The following RIPK4 variants were observed in gnomAD, a reference collection of about 807,000 sequenced individuals.
The protein encoded by RIPK4 is receptor-interacting serine/threonine-protein kinase 4.
In RIPK4, 17 loss-of-function variants were observed where a neutral mutation model predicts 42.9. The observed-to-expected ratio is 0.40, with a 90% CI of 0.27 to 0.59. The LOEUF (loss-of-function observed/expected upper bound fraction) is 0.59, where lower values mean the gene tolerates loss of function less well. Ranked by LOEUF, RIPK4 falls within the 20% of genes least tolerant of loss-of-function variation. The probability of loss-of-function intolerance (pLI) is 0.47; values close to 1 mark genes in which losing one functional copy is unlikely to be tolerated. For missense variants in RIPK4, 897 were observed against 1,104.4 expected (o/e 0.81, Z 2.66); for synonymous variants, 498 against 499.1 (o/e 1.00, Z 0.03).
rs535635195 is a variant in RIPK4, at chr21:41,743,913, C to T, written c.1164G>A (p.Ser388=). The change falls in exon 7 of 8, where the codon TCG becomes TCA. Residue 388 remains serine (S), a synonymous_variant. Coordinates refer to ENST00000332512, the MANE Select transcript of RIPK4 (RefSeq NM_020639.3). ...TTGAAGGTTCCCGCTCAAAGGACAGCGACAGTGATCCTCTGGAAGAGAAGG... is the reference window on the plus strand; with the variant it reads ...TTGAAGGTTCCCGCTCAAAGGACAGTGACAGTGATCCTCTGGAAGAGAAGG... The part of the protein sequence containing the change: ...DSAFSSRGSL[S]LSFEREPSTS... The T allele has an allele frequency of 7.5e-5, 121 of 1,610,808 alleles. 1 individual carries two copies. The highest frequency in any genetic ancestry group is 7.2e-4 in the South Asian group (65 of 90,828).
chr21:41,763,408 G>T (rs1310863432), intron 1 of RIPK4, among the ~76,000 whole-genome samples: 1 of 152,160 alleles, frequency 6.6e-6, no homozygotes, highest in Non-Finnish European at 1.5e-5. Flanking sequence ...GACCAGGCCA[G>T]CTGCGGTTTC....
intron 1 of RIPK4, among the ~76,000 whole-genome samples, chr21:41,761,043 G>A: frequency 6.6e-6 from 1 of 152,156 alleles, no homozygotes; most frequent in East Asian, 1.9e-4. Flanking sequence ...CCCTCTCCAG[G>A]GGAAATCCCT....
In RIPK4 at chr21:41,741,798, G is replaced by A. The variant is rs770318407; in HGVS notation, c.1395C>T (p.Asn465=). Residue 465 remains asparagine (N), a synonymous_variant, in exon 8 of 8, where the codon AAC becomes AAT. Transcript: ENST00000332512. ...KWLLLNNANP[N]LSNRRGSTPL... Reference sequence around the variant, plus strand: ...GGGTGGAGCCCCTACGGTTGCTCAGGTTGGGGTTGGCATTGTTGAGCAGCA... The same window carrying A: ...GGGTGGAGCCCCTACGGTTGCTCAGATTGGGGTTGGCATTGTTGAGCAGCA... The A allele has an allele frequency of 1.4e-5, 23 of 1,611,328 alleles. No homozygotes were observed. Among genetic ancestry groups the A allele is most frequent in the Non-Finnish European group, 1.7e-5 (20 of 1,180,030 alleles).
intron 1 of RIPK4, among the ~76,000 whole-genome samples, chr21:41,758,049 G>A (rs867137273): frequency 3.6e-5 from 4 of 110,378 alleles, no homozygotes; most frequent in Non-Finnish European, 7.0e-5. Context: ...TATAGAGAGA[G>A]AGAGAGAGAG....
intron 5 of RIPK4, chr21:41,746,141 T>C: frequency 4.4e-6 from 3 of 675,458 alleles, no homozygotes; most frequent in Non-Finnish European, 8.2e-6. Context: ...TGCCAGCACC[T>C]GGCGGATGAG....
At chr21:41,763,323 C>A (rs192631684) in intron 1 of RIPK4, among the ~76,000 whole-genome samples, 2 of 152,056 alleles carry the variant, frequency 1.3e-5, no homozygotes, top group African/African-American at 4.8e-5. Flanking sequence ...TATCATCACA[C>A]CAATCATCTC....
intron 3 of RIPK4, among the ~76,000 whole-genome samples, chr21:41,750,683 T>C (rs983265983): frequency 3.9e-5 from 6 of 152,060 alleles, no homozygotes; most frequent in African/African-American, 1.4e-4. Flanking sequence ...GCCCCCTTTC[T>C]GTTTGTTTGT....
chr21:41,744,281 T>G (rs1330027561), intron 6 of RIPK4, 141 bp from the exon 7 acceptor site: 13 of 790,336 alleles, frequency 1.6e-5, no homozygotes, highest in Non-Finnish European at 2.3e-5. Context: ...GCAATGCAGA[T>G]AACCTATTGG....
At chr21:41,757,045 G>A (rs1477282381) in intron 1 of RIPK4, among the ~76,000 whole-genome samples, 2 of 152,216 alleles carry the variant, frequency 1.3e-5, no homozygotes, top group East Asian at 1.9e-4. Flanking sequence ...AAGTGAGGAG[G>A]AGGGAAATTC....
chr21:41,745,774 C>G lies in RIPK4; in HGVS notation c.921G>C (p.Pro307=). 6.2e-7 allele frequency: 1 copy of G among 1,613,912 alleles called. No individual in the cohort carries two copies. The highest frequency in any genetic ancestry group is 8.5e-7 in the Non-Finnish European group (1 of 1,179,830). The change falls in exon 6 of 8, where the codon CCG becomes CCC. Residue 307 remains proline, a synonymous_variant. Coordinates refer to ENST00000332512, the MANE Select transcript of RIPK4 (RefSeq NM_020639.3). ...GACTCGTTACCTCGCTCCTGGGCTC[C>G]GGGGGGCTTTTCACGTCCAGATCAT... ...TAHDLDVKSP[P]EPRSEVVPAR...
At position 41,751,001 on chromosome 21, in the gene RIPK4, C is replaced by T. The variant is rs565259488; in HGVS notation, c.623+96G>A. ...CCCGAGCCCCATTTCTGACTGGCAGCAAGAGGCCTTTCTGAAAGCTGCAGC... is the reference window on the plus strand; with the variant it reads ...CCCGAGCCCCATTTCTGACTGGCAGTAAGAGGCCTTTCTGAAAGCTGCAGC... On this transcript the variant is annotated intron_variant, in intron 3 of 7. Transcript: ENST00000332512. This position sits in a 1 kb window ranked among gnomAD's most constrained non-coding sequence, Gnocchi z 4.5. 2.2e-3 allele frequency: 3,297 copies of T among 1,476,484 alleles called. 9 individuals carry two copies. Among genetic ancestry groups the T allele is most frequent in the Middle Eastern group, 7.0e-3 (28 of 3,992 alleles). The allele number at this position is 1,476,484 out of a possible 1,614,324, so 91.5% of individuals were successfully genotyped here. A position where few individuals can be genotyped will look rare whatever the true frequency, so the allele number is the denominator to read the frequency against.
chr21:41,766,927 C>T lies in RIPK4; in HGVS notation c.115G>A (p.Val39Met). 4 of 1,610,512 alleles carry T rather than the reference C, an allele frequency of 2.5e-6. No individual in the cohort carries two copies. Among genetic ancestry groups the T allele is most frequent in the Non-Finnish European group, 3.4e-6 (4 of 1,178,764 alleles). ...CAGGTCTTCCAGTGGACATGGCGCA[C>T]CTTGTACACCTGCCCGAAGCCGCCC... is the stretch of plus-strand genomic sequence containing the variant. ...GSGGFGQVYK[V>M]RHVHWKTWLA... Residue 39 changes from valine to methionine, a missense_variant, in exon 1 of 8, where the codon GTG becomes ATG. Transcript: ENST00000332512.
intron 1 of RIPK4, among the ~76,000 whole-genome samples, chr21:41,763,023 G>A (rs2061225616): frequency 6.6e-6 from 1 of 152,176 alleles, no homozygotes. Context: ...ACAGTTCAGA[G>A]GGGGTGGCAT....
intron 4 of RIPK4, among the ~76,000 whole-genome samples, chr21:41,748,812 A>G (rs2061179588): frequency 6.6e-6 from 1 of 152,232 alleles, no homozygotes; most frequent in Admixed American, 6.5e-5. Context: ...TTTGCCTTCT[A>G]GCATGATGAG....
chr21:41,746,570 G>A (rs1200387679), intron 5 of RIPK4, 43 bp downstream of exon 5: 7 of 1,603,534 alleles, frequency 4.4e-6, no homozygotes, highest in African/African-American at 2.7e-5. Context: ...TCTGTCTCCT[G>A]TGACACCCAC....
rs140555999 is a variant in RIPK4, at chr21:41,752,999, A to T, written c.475-1754T>A. 3.2e-3 allele frequency among the ~76,000 whole-genome samples: 480 copies of T among 152,300 alleles called. 3 individuals are homozygous for T. The highest frequency in any genetic ancestry group is 5.5e-3 in the Non-Finnish European group (371 of 68,028). On this transcript the variant is annotated intron_variant, in intron 2 of 7. Transcript: ENST00000332512. ...TGTATCCCGGAACTAAAAGTAAAAT[A>T]AAAAATAATAATAAAAATAAAGAAA...
Position 41,751,963 on chromosome 21 carries a change from G to A in RIPK4, c.475-718C>T, listed in dbSNP as rs2061189896. 6.6e-6 allele frequency among the ~76,000 whole-genome samples: 1 copy of A among 152,068 alleles called. No individual in the cohort carries two copies. The highest frequency in any genetic ancestry group is 2.4e-5 in the African/African-American group (1 of 41,418). Reference sequence around the variant, plus strand: ...TCCTCCAGGAATGCCCTCAACGTCCGCATTCAGGGGAGGCAGGTCTCAGGT... The same window carrying A: ...TCCTCCAGGAATGCCCTCAACGTCCACATTCAGGGGAGGCAGGTCTCAGGT... On this transcript the variant is annotated intron_variant, in intron 2 of 7. Coordinates refer to ENST00000332512, the MANE Select transcript of RIPK4 (RefSeq NM_020639.3). The surrounding 1 kb of genome is among the most constrained non-coding windows in gnomAD (Gnocchi z 4.5).
intron 1 of RIPK4, among the ~76,000 whole-genome samples, chr21:41,763,432 C>T (rs1230820325): frequency 6.6e-6 from 1 of 152,096 alleles, no homozygotes; most frequent in Non-Finnish European, 1.5e-5. Flanking sequence ...TGCAAGCACG[C>T]ATCCTGGAAA....
chr21:41,765,839 C>T (rs556259170), intron 1 of RIPK4, among the ~76,000 whole-genome samples: 3 of 152,254 alleles, frequency 2.0e-5, no homozygotes, highest in Admixed American at 1.3e-4. Flanking sequence ...TTGAGCCTTA[C>T]ATATGAACCA....
Sources: allele counts gnomAD v4.1 joint callset (sites outside exome capture counted in the v4.1 genomes callset), GRCh38; gene constraint gnomAD v4.1.1; non-coding constraint Gnocchi (gnomAD v3.1); transcripts MANE v1.5; gene names NCBI Gene and HGNC (gene_info 2026-07-23, HGNC 2026-07-21).